Variants in PHF11 observed in about 807,000 individuals in gnomAD.
PHF11 encodes BRCA1 C-terminus-associated protein.
In PHF11, 38 loss-of-function variants were observed where a neutral mutation model predicts 40.5. The observed-to-expected ratio is 0.94, with a 90% CI of 0.72 to 1.23. PHF11 has a LOEUF of 1.23. Among genes scored for constraint, PHF11 ranks in the 50% most tolerant of loss-of-function variants. The pLI is 0.00. For synonymous variants in PHF11, 127 were observed against 138.2 expected (o/e 0.92, Z 0.57); for missense variants, 369 against 392.4 (o/e 0.94, Z 0.50).
At chr13:49,498,047 C>T (rs1241693050) in intron 1 of PHF11, among the ~76,000 whole-genome samples, 4 of 152,204 alleles carry the variant, frequency 2.6e-5, no homozygotes, top group Admixed American at 2.6e-4. Flanking sequence ...GTACTTATCA[C>T]TACCTGGAAA....
In PHF11 at chr13:49,517,706, C is replaced by A. The variant is rs550225265; in HGVS notation, c.325-312C>A. Among the ~76,000 whole-genome samples, 132 of 152,256 alleles carry A rather than the reference C, an allele frequency of 8.7e-4. 2 individuals are homozygous for A. Among genetic ancestry groups the A allele is most frequent in the Non-Finnish European group, 7.6e-4 (52 of 68,016 alleles). Reference sequence around the variant, plus strand: ...GAGCTGGACAAGTTTGCCCACTCTGCTTTTTAGAAAATTCTTTTTAAAAGA... The same window carrying A: ...GAGCTGGACAAGTTTGCCCACTCTGATTTTTAGAAAATTCTTTTTAAAAGA... On this transcript the variant is annotated intron_variant, in intron 3 of 9. Transcript: ENST00000378319.
Position 49,520,759 on chromosome 13 carries a change from G to T in PHF11, c.459-135G>T, listed in dbSNP as rs745449117. The T allele has an allele frequency of 8.6e-6, 5 of 584,524 alleles. No homozygotes were observed. In the Admixed American group the frequency reaches 1.3e-4, roughly 15 times the overall value. The allele number at this position is 584,524 out of a possible 1,614,324, so 36.2% of individuals were successfully genotyped here. On this transcript the variant is annotated intron_variant, in intron 4 of 9. Transcript: ENST00000378319. ...GTGTGGGTCACTAATTTTACACAGG[G>T]CTTCAAAAAAAAAAACTTTAGTGTG...
chr13:49,503,829 T>C (rs969954212), intron 1 of PHF11, among the ~76,000 whole-genome samples: 2 of 152,014 alleles, frequency 1.3e-5, no homozygotes, highest in African/African-American at 2.4e-5. Flanking sequence ...GCCTCCTGGG[T>C]GCAAGCAATT....
chr13:49,515,453 TATACACACACACACACAC>T (rs1444433978), intron 3 of PHF11, among the ~76,000 whole-genome samples: 1 of 98,830 alleles, frequency 1.0e-5, no homozygotes, highest in East Asian at 3.2e-4. Context: ...TTCCATCTCC[TATACACACACACACACAC>T]ACACACACAC....
In PHF11 at chr13:49,515,455, TACACACACACAC is replaced by T. The variant is rs61316360; in HGVS notation, c.324+2327_324+2338del. Among the ~76,000 whole-genome samples the T allele has an allele frequency of 2.8e-3, 387 of 137,692 alleles. 2 individuals carry two copies. The highest frequency in any genetic ancestry group is 0.014 in the Middle Eastern group (4 of 276). 90.3% of individuals were successfully genotyped at this position (137,692 alleles called of 152,430 possible). A position where few individuals can be genotyped will look rare whatever the true frequency, so the allele number is the denominator to read the frequency against. On this transcript the variant is annotated intron_variant, in intron 3 of 9. Transcript: ENST00000378319. ...CAAAAAAGTACAGTTCCATCTCCTA[TACACACACACAC>T]ACACACACACACACACACACACACA...
chr13:49,524,287 C>CA, intron 8 of PHF11, 71 bp downstream of exon 8: 13 of 1,124,488 alleles, frequency 1.2e-5, no homozygotes, highest in South Asian at 3.1e-5. Flanking sequence ...AAAACAAACC[C>CA]AAGAAAAAAA....
Position 49,522,045 on chromosome 13 carries a change from A to G in PHF11, c.508A>G (p.Lys170Glu). ...TTTTAAATGGTTTATATTTTTAGCTAAATTTTCAGGAGTGAAAAGAAAAAG... is the reference window on the plus strand; with the variant it reads ...TTTTAAATGGTTTATATTTTTAGCTGAATTTTCAGGAGTGAAAAGAAAAAG... ...AQFPIIAQSA[K>E]FSGVKRKRGR... Residue 170 changes from lysine to glutamate, a missense_variant and splice_region_variant, in exon 6 of 10, where the codon AAA becomes GAA. Transcript: ENST00000378319. 6.8e-7 allele frequency: 1 copy of G among 1,460,208 alleles called. No individual in the cohort carries two copies. The highest frequency in any genetic ancestry group is 9.6e-7 in the Non-Finnish European group (1 of 1,041,984). The allele number at this position is 1,460,208 out of a possible 1,614,324, so 90.5% of individuals were successfully genotyped here.
At chr13:49,523,943 A>T in intron 7 of PHF11, 142 bp from the exon 8 acceptor site, 1 of 473,710 alleles carries the variant, frequency 2.1e-6, no homozygotes, top group South Asian at 6.2e-5. Context: ...AATTATAATT[A>T]ATAAAAAGGG....
At chr13:49,504,853 C>G (rs1958962563) in intron 1 of PHF11, among the ~76,000 whole-genome samples, 1 of 150,954 alleles carries the variant, frequency 6.6e-6, no homozygotes, top group Non-Finnish European at 1.5e-5. Context: ...GGAGACTTTT[C>G]ATTTTGTTCT....
Position 49,506,622 on chromosome 13 carries a change from A to G in PHF11, c.95-13A>G, listed in dbSNP as rs368194485. 1.4e-5 allele frequency: 22 copies of G among 1,612,716 alleles called. No homozygotes were observed. Among genetic ancestry groups the G allele is most frequent in the Non-Finnish European group, 1.8e-5 (21 of 1,179,326 alleles). ...TCCACTTTTCCATTTCTCACCAGGG[A>G]TATTACTTATAGGTGTCTTTCAGGT... On this transcript the variant is annotated splice_polypyrimidine_tract_variant and intron_variant, in intron 1 of 9. Transcript: ENST00000378319.
intron 1 of PHF11, among the ~76,000 whole-genome samples, chr13:49,503,311 G>A (rs533638336): frequency 6.6e-5 from 10 of 151,998 alleles, no homozygotes; most frequent in Non-Finnish European, 1.2e-4. Flanking sequence ...TCCTTCCCAC[G>A]AGGAGCACTT....
chr13:49,513,304 A>G (rs1959102542), intron 3 of PHF11, 138 bp downstream of exon 3: 1 of 539,158 alleles, frequency 1.9e-6, no homozygotes, highest in Non-Finnish European at 3.3e-6. Context: ...CTGTATTGGA[A>G]ACCTCAATTC....
chr13:49,513,889 G>A (rs1045627870), intron 3 of PHF11, among the ~76,000 whole-genome samples: 7 of 152,190 alleles, frequency 4.6e-5, no homozygotes, highest in South Asian at 4.2e-4. Context: ...GTGGTCATAG[G>A]GTGGCCGCAG....
chr13:49,518,714 AGAGC>A (rs1270339015), intron 4 of PHF11: 1 of 152,280 alleles, frequency 6.6e-6, no homozygotes, highest in Non-Finnish European at 1.5e-5. Flanking sequence ...GGTCAGTGGC[AGAGC>A]TGGGCTGCAG....
intron 1 of PHF11, among the ~76,000 whole-genome samples, chr13:49,505,088 C>G (rs1356229241): frequency 3.2e-5 from 4 of 125,694 alleles, no homozygotes; most frequent in Admixed American, 8.6e-5. Context: ...GAGAAACACC[C>G]AAGAATGATA....
intron 8 of PHF11, chr13:49,525,655 A>T (rs1258317650): frequency 2.9e-6 from 1 of 343,920 alleles, no homozygotes; most frequent in African/African-American, 2.2e-5. Context: ...GCAACAATAT[A>T]AAAAATGTTT....
At chr13:49,497,259 A>C in intron 1 of PHF11, 3 of 1,171,172 alleles carry the variant, frequency 2.6e-6, no homozygotes, top group Non-Finnish European at 3.4e-6. Flanking sequence ...CCTCTTCCTC[A>C]AACTCCAGAC....
intron 2 of PHF11, among the ~76,000 whole-genome samples, chr13:49,509,082 A>C (rs1227309580): frequency 1.3e-5 from 2 of 152,116 alleles, no homozygotes; most frequent in Non-Finnish European, 2.9e-5. Flanking sequence ...TCACTTTTTT[A>C]TATACATAAT....
At chr13:49,510,706 A>G (rs1420447251) in intron 2 of PHF11, among the ~76,000 whole-genome samples, 1 of 152,188 alleles carries the variant, frequency 6.6e-6, no homozygotes, top group Non-Finnish European at 1.5e-5. Context: ...CCTGGCCTCA[A>G]GTGATTCTCC....
Sources: gnomAD v4.1 joint callset for allele counts (sites outside exome capture counted in the v4.1 genomes callset) on GRCh38, gnomAD v4.1.1 for gene constraint, MANE v1.5 for transcripts, NCBI Gene and HGNC (gene_info 2026-07-23, HGNC 2026-07-21) for gene names.